The following ASCC3 variants were observed in gnomAD, a reference collection of about 807,000 sequenced individuals.
ASCC3 encodes the protein activating signal cointegrator 1 complex subunit 3, also known as ASC-1 complex subunit P200.
ASCC3 carries 158 observed loss-of-function variants against 256.3 expected under a neutral mutation model. That is an observed-to-expected ratio of 0.62 (90% CI 0.54 to 0.70). The LOEUF is 0.70. Ranked by LOEUF, ASCC3 falls within the 30% of genes least tolerant of loss-of-function variation. ASCC3 has a pLI of 0.00. For synonymous variants in ASCC3, 948 were observed against 883.4 expected (o/e 1.07, Z -1.30); for missense variants, 2,259 against 2,626.0 (o/e 0.86, Z 3.05).
Position 100,864,119 on chromosome 6 carries a change from T to G in ASCC3, c.186A>C (p.Lys62Asn). The G allele has an allele frequency of 6.2e-7, 1 of 1,603,490 alleles. No individual in the cohort carries two copies. Among genetic ancestry groups the G allele is most frequent in the Non-Finnish European group, 8.5e-7 (1 of 1,172,600 alleles). The change falls in exon 3 of 42, where the codon AAA becomes AAC. Residue 62 changes from lysine to asparagine, a missense_variant. Transcript: ENST00000369162. Reference protein sequence around the residue: ...KFLNEKLEKSKMQSINEDLKD... With the variant: ...KFLNEKLEKSNMQSINEDLKD... ...TTAAGTCTTCATTTATACTTTGCAT[T>G]TTACTCTTCTCCAGTTTTTCATTCA...
intron 37 of ASCC3, 110 bp downstream of exon 37, chr6:100,540,053 A>G: frequency 1.0e-6 from 1 of 957,958 alleles, no homozygotes; most frequent in South Asian, 1.4e-5. Context: ...TTTCTCAACA[A>G]TGCTACCATA....
intron 13 of ASCC3, among the ~76,000 whole-genome samples, chr6:100,700,256 A>G (rs1778291074): frequency 1.3e-5 from 2 of 152,120 alleles, no homozygotes. Context: ...TATGGCCCCA[A>G]GTCTTGGCAG....
At chr6:100,588,389 T>C (rs932034316) in intron 36 of ASCC3, among the ~76,000 whole-genome samples, 2 of 152,150 alleles carry the variant, frequency 1.3e-5, no homozygotes, top group Non-Finnish European at 2.9e-5. Context: ...TTAACCATTA[T>C]TTTGCTGCCT....
intron 37 of ASCC3, among the ~76,000 whole-genome samples, chr6:100,518,918 T>C (rs1774167224): frequency 6.6e-6 from 1 of 152,166 alleles, no homozygotes; most frequent in Non-Finnish European, 1.5e-5. Context: ...TTTAGTACTG[T>C]ACTCTTGTTT....
chr6:100,629,498 G>T (rs998243037), intron 26 of ASCC3, among the ~76,000 whole-genome samples: 7 of 151,898 alleles, frequency 4.6e-5, no homozygotes, highest in Non-Finnish European at 7.4e-5. Flanking sequence ...TTATAAAGTT[G>T]AACTCATACT....
chr6:100,607,364 A>G (rs951764903), intron 30 of ASCC3, among the ~76,000 whole-genome samples: 10 of 152,064 alleles, frequency 6.6e-5, no homozygotes, highest in African/African-American at 2.4e-4. Flanking sequence ...TTCTTTAATG[A>G]GTAACAACCA....
intron 26 of ASCC3, 47 bp downstream of exon 26, chr6:100,631,081 T>G (rs754828855): frequency 1.5e-6 from 2 of 1,366,290 alleles, no homozygotes; most frequent in Admixed American, 3.5e-5. Context: ...TTCCTGGTCC[T>G]TTTAGTCAAT....
chr6:100,610,040 TAA>T (rs1240425815), intron 30 of ASCC3, among the ~76,000 whole-genome samples: 1 of 152,152 alleles, frequency 6.6e-6, no homozygotes, highest in Non-Finnish European at 1.5e-5. Flanking sequence ...AGAATAATGT[TAA>T]GACCAAGTGA....
At chr6:100,823,431 C>T (rs1033436789) in intron 4 of ASCC3, among the ~76,000 whole-genome samples, 5 of 152,064 alleles carry the variant, frequency 3.3e-5, no homozygotes, top group Admixed American at 6.5e-5. Flanking sequence ...AAAACATGAA[C>T]GAATGCAGCT....
chr6:100,626,519 G>A (rs1774244493), intron 29 of ASCC3, among the ~76,000 whole-genome samples: 1 of 152,054 alleles, frequency 6.6e-6, no homozygotes, highest in African/African-American at 2.4e-5. Flanking sequence ...TTCTATGGAA[G>A]TGTAAGTACT....
At chr6:100,549,103 T>C (rs568111043) in intron 36 of ASCC3, among the ~76,000 whole-genome samples, 1 of 151,820 alleles carries the variant, frequency 6.6e-6, no homozygotes, top group African/African-American at 2.4e-5. Flanking sequence ...AACTGAAACC[T>C]GGAAAGAAAA....
intron 13 of ASCC3, among the ~76,000 whole-genome samples, chr6:100,692,981 AT>A (rs1174480875): frequency 6.6e-6 from 1 of 152,028 alleles, no homozygotes; most frequent in African/African-American, 2.4e-5. Flanking sequence ...ATAACCTACA[AT>A]TTAAGGAAAA....
intron 16 of ASCC3, among the ~76,000 whole-genome samples, chr6:100,658,236 T>C (rs1188827427): frequency 1.3e-5 from 2 of 151,672 alleles, no homozygotes; most frequent in East Asian, 3.9e-4. Flanking sequence ...CATTAGTATA[T>C]AGTGTGATAG....
At chr6:100,596,543 T>C (rs925940339) in intron 34 of ASCC3, among the ~76,000 whole-genome samples, 2 of 152,208 alleles carry the variant, frequency 1.3e-5, no homozygotes, top group African/African-American at 2.4e-5. Context: ...GTTACCAATA[T>C]GATACACTCT....
chr6:100,827,481 G>A (rs1207342174), intron 4 of ASCC3, among the ~76,000 whole-genome samples: 1 of 152,060 alleles, frequency 6.6e-6, no homozygotes, highest in Non-Finnish European at 1.5e-5. Context: ...TTTCATTTAA[G>A]GTTCTTGTAA....
intron 36 of ASCC3, among the ~76,000 whole-genome samples, chr6:100,561,260 C>T (rs896212280): frequency 6.6e-6 from 1 of 152,048 alleles, no homozygotes; most frequent in Non-Finnish European, 1.5e-5. Context: ...TAATGATAGC[C>T]TCAGGACTTT....
At chr6:100,606,011 G>T (rs191311763) in intron 32 of ASCC3, among the ~76,000 whole-genome samples, 1 of 151,850 alleles carries the variant, frequency 6.6e-6, no homozygotes, top group Non-Finnish European at 1.5e-5. Flanking sequence ...CTGTTTAATA[G>T]ATATTATTTT....
At chr6:100,546,394 TA>T (rs1775718143) in intron 36 of ASCC3, among the ~76,000 whole-genome samples, 1 of 152,158 alleles carries the variant, frequency 6.6e-6, no homozygotes, top group Non-Finnish European at 1.5e-5. Context: ...CATGGAAATG[TA>T]AAGGACCTAG....
At chr6:100,832,269 T>C (rs943170163) in intron 4 of ASCC3, among the ~76,000 whole-genome samples, 8 of 152,154 alleles carry the variant, frequency 5.3e-5, no homozygotes, top group African/African-American at 1.9e-4. Flanking sequence ...CCGCAAATGA[T>C]GCTGGAAGGA....
Sources: allele counts gnomAD v4.1 joint callset (sites outside exome capture counted in the v4.1 genomes callset), GRCh38; gene constraint gnomAD v4.1.1; transcripts MANE v1.5; gene names NCBI Gene and HGNC (gene_info 2026-07-23, HGNC 2026-07-21).